Variants in KCNQ1OT1 observed in about 807,000 individuals in gnomAD.
KCNQ1OT1 encodes the protein KCNQ1 opposite strand/antisense transcript 1, also known as KCNQ1 antisense RNA 2 (non-protein coding).
In KCNQ1OT1 at chr11:2,694,902, C is replaced by G. The variant is rs115305496; in HGVS notation, n.5093G>C. 8.1e-3 allele frequency: 3,209 copies of G among 398,542 alleles called. 92 individuals carry two copies. The highest frequency in any genetic ancestry group is 0.06 in the African/African-American group (2,908 of 48,664). The allele number at this position is 398,542 out of a possible 1,614,324, so 24.7% of individuals were successfully genotyped here. A position where few individuals can be genotyped will look rare whatever the true frequency, so the allele number is the denominator to read the frequency against. ...GAAGGAATTGTCAAGGGAAGATCAC[C>G]AGAAAAGACAAGCCAGGCAGAGGTG... On this transcript the variant is annotated non_coding_transcript_exon_variant, in exon 1 of 1. Coordinates refer to ENST00000597346, the Ensembl canonical transcript of KCNQ1OT1.
At position 2,657,130 on chromosome 11, in the gene KCNQ1OT1, G is replaced by A. The variant is rs1319403004; in HGVS notation, n.42865C>T. ...CATTGCCCTAATGACCACTGCCTTG[G>A]AAGAAGTACTGATGTTTGGTACAGC... On this transcript the variant is annotated non_coding_transcript_exon_variant, in exon 1 of 1. Coordinates refer to ENST00000597346, the Ensembl canonical transcript of KCNQ1OT1. This position sits in a 1 kb window ranked among gnomAD's most constrained non-coding sequence, Gnocchi z 4.8. 7 of 398,502 alleles carry A rather than the reference G, an allele frequency of 1.8e-5. No homozygotes were observed. Among genetic ancestry groups the A allele is most frequent in the Non-Finnish European group, 3.1e-5 (7 of 226,076 alleles). The allele number at this position is 398,502 out of a possible 1,614,324, so 24.7% of individuals were successfully genotyped here.
In KCNQ1OT1 at chr11:2,652,044, T is replaced by TGA; in HGVS notation, n.47949_47950dup. On this transcript the variant is annotated non_coding_transcript_exon_variant, in exon 1 of 1. Transcript: ENST00000597346. This position sits in a 1 kb window ranked among gnomAD's most constrained non-coding sequence, Gnocchi z 5.9. ...CCTCCCCCCAGTTCTGGGGTGGCTC[T>TGA]GACTGTGTCCAGGCTCCAATTTGAG... The TGA allele has an allele frequency of 5.0e-6, 2 of 398,672 alleles. No homozygotes were observed. The highest frequency in any genetic ancestry group is 8.8e-6 in the Non-Finnish European group (2 of 226,100). 24.7% of individuals were successfully genotyped at this position (398,672 alleles called of 1,614,324 possible).
exon 1 of KCNQ1OT1, chr11:2,692,338 T>C: frequency 2.5e-6 from 1 of 398,878 alleles, no homozygotes; most frequent in Non-Finnish European, 4.4e-6. Flanking sequence ...GGCCACCATT[T>C]CTCTGTACTG....
exon 1 of KCNQ1OT1, chr11:2,696,541 T>A: frequency 2.5e-6 from 1 of 398,672 alleles, no homozygotes; most frequent in Non-Finnish European, 4.4e-6. Context: ...AGTTGGCATT[T>A]ACAAATATTT....
rs545075013 is a variant in KCNQ1OT1 at position 2,620,389 on chromosome 11, T to C, written n.79606A>G. On this transcript the variant is annotated non_coding_transcript_exon_variant, in exon 1 of 1. Transcript: ENST00000597346. The surrounding 1 kb of genome is among the most constrained non-coding windows in gnomAD (Gnocchi z 4.5). ...GCGCCACCACGTCCAGCTAATTTTGTAGTTTTAGTAGAGACAGGGTTTTTC... is the reference window on the plus strand; with the variant it reads ...GCGCCACCACGTCCAGCTAATTTTGCAGTTTTAGTAGAGACAGGGTTTTTC... 2 of 211,156 alleles carry C rather than the reference T, an allele frequency of 9.5e-6. No homozygotes were observed. The highest frequency in any genetic ancestry group is 1.9e-4 in the South Asian group (1 of 5,342). 13.1% of individuals were successfully genotyped at this position (211,156 alleles called of 1,614,324 possible). A position where few individuals can be genotyped will look rare whatever the true frequency, so the allele number is the denominator to read the frequency against.
rs922861841 is a variant in KCNQ1OT1 at position 2,658,144 on chromosome 11, A to G, written n.41851T>C. On this transcript the variant is annotated non_coding_transcript_exon_variant, in exon 1 of 1. Transcript: ENST00000597346. This position sits in a 1 kb window ranked among gnomAD's most constrained non-coding sequence, Gnocchi z 4.9. ...TCTGCAAATATGTTAAAACTACCAC[A>G]GCAATTAAAATACATTTCAAGGAAG... The G allele has an allele frequency of 1.0e-5, 4 of 398,538 alleles. No individual in the cohort carries two copies. The highest frequency in any genetic ancestry group is 8.2e-5 in the African/African-American group (4 of 48,656). 24.7% of individuals were successfully genotyped at this position (398,538 alleles called of 1,614,324 possible).
At chr11:2,675,656 C>T (rs1033350082) in exon 1 of KCNQ1OT1, 1 of 398,564 alleles carries the variant, frequency 2.5e-6, no homozygotes, top group Admixed American at 4.4e-5. Flanking sequence ...TCTCTAGGAG[C>T]CCGCCCAGGG....
chr11:2,694,201 G>T, exon 1 of KCNQ1OT1: 1 of 398,670 alleles, frequency 2.5e-6, no homozygotes, highest in Non-Finnish European at 4.4e-6. Context: ...CTTTCTCACC[G>T]AGGTGGTGAG....
Position 2,620,657 on chromosome 11 carries a change from G to T in KCNQ1OT1, n.79338C>A. 2.5e-6 allele frequency: 1 copy of T among 398,436 alleles called. No individual in the cohort carries two copies. The highest frequency in any genetic ancestry group is 4.4e-6 in the Non-Finnish European group (1 of 226,028). The allele number at this position is 398,436 out of a possible 1,614,324, so 24.7% of individuals were successfully genotyped here. A position where few individuals can be genotyped will look rare whatever the true frequency, so the allele number is the denominator to read the frequency against. On this transcript the variant is annotated non_coding_transcript_exon_variant, in exon 1 of 1. Coordinates refer to ENST00000597346, the Ensembl canonical transcript of KCNQ1OT1. The surrounding 1 kb of genome is among the most constrained non-coding windows in gnomAD (Gnocchi z 4.5). ...ATAGTGCTGTGATGAACATACAAATGCATGTGTCTTTTTGATAGAACAATT... is the reference window on the plus strand; with the variant it reads ...ATAGTGCTGTGATGAACATACAAATTCATGTGTCTTTTTGATAGAACAATT...
At chr11:2,648,676 C>G (rs1188865552) in exon 1 of KCNQ1OT1, 1 of 398,252 alleles carries the variant, frequency 2.5e-6, no homozygotes, top group Admixed American at 4.4e-5. Context: ...TATTGAGACC[C>G]GTTTTGTGTC....
chr11:2,648,537 C>A, exon 1 of KCNQ1OT1: 1 of 398,388 alleles, frequency 2.5e-6, no homozygotes, highest in East Asian at 3.6e-5. Flanking sequence ...ACACAGTGGT[C>A]ATTCAGGAAC....
chr11:2,668,062 T>C lies in KCNQ1OT1; in HGVS notation n.31933A>G. The stretch of plus-strand genomic sequence containing the variant: ...TTGCCCACATTTGAACTTTATGCGG[T>C]GGGAATGATGCAACTCATACACCTT... On this transcript the variant is annotated non_coding_transcript_exon_variant, in exon 1 of 1. Transcript: ENST00000597346. The surrounding 1 kb of genome is among the most constrained non-coding windows in gnomAD (Gnocchi z 4.3). The C allele has an allele frequency of 2.5e-6, 1 of 398,602 alleles. No individual in the cohort carries two copies. The highest frequency in any genetic ancestry group is 3.6e-5 in the East Asian group (1 of 28,070). The allele number at this position is 398,602 out of a possible 1,614,324, so 24.7% of individuals were successfully genotyped here. A position where few individuals can be genotyped will look rare whatever the true frequency, so the allele number is the denominator to read the frequency against.
At position 2,665,000 on chromosome 11, in the gene KCNQ1OT1, C is replaced by A. The variant is rs1407261640; in HGVS notation, n.34995G>T. On this transcript the variant is annotated non_coding_transcript_exon_variant, in exon 1 of 1. Transcript: ENST00000597346. The surrounding 1 kb of genome is among the most constrained non-coding windows in gnomAD (Gnocchi z 5.1). ...TGGGGCTGGGCGAAGCTCCTCTTTC[C>A]GGGGCCTGTTAGCCAGAGGTGGGGT... The A allele has an allele frequency of 5.0e-6, 2 of 398,536 alleles. No individual in the cohort carries two copies. The highest frequency in any genetic ancestry group is 2.1e-5 in the African/African-American group (1 of 48,588). The allele number at this position is 398,536 out of a possible 1,614,324, so 24.7% of individuals were successfully genotyped here. A position where few individuals can be genotyped will look rare whatever the true frequency, so the allele number is the denominator to read the frequency against.
At position 2,674,109 on chromosome 11, in the gene KCNQ1OT1, G is replaced by A. The variant is rs1850242499; in HGVS notation, n.25886C>T. On this transcript the variant is annotated non_coding_transcript_exon_variant, in exon 1 of 1. Transcript: ENST00000597346. This position sits in a 1 kb window ranked among gnomAD's most constrained non-coding sequence, Gnocchi z 5.9. Reference sequence around the variant, plus strand: ...TCTCCCTGCCGGTGGGGAGGGAGGTGTGGAAGCTGGTTTGCCGGGGCCACC... The same window carrying A: ...TCTCCCTGCCGGTGGGGAGGGAGGTATGGAAGCTGGTTTGCCGGGGCCACC... 1.0e-5 allele frequency: 4 copies of A among 398,692 alleles called. No homozygotes were observed. The highest frequency in any genetic ancestry group is 6.3e-4 in the Middle Eastern group (1 of 1,592). 24.7% of individuals were successfully genotyped at this position (398,692 alleles called of 1,614,324 possible).
chr11:2,621,198 G>C lies in KCNQ1OT1; in HGVS notation n.78797C>G. Reference sequence around the variant, plus strand: ...TCACCATGTTGGCCAGGATGGTCTCGAATACCTGACCCCAGATGATCCACG... The same window carrying C: ...TCACCATGTTGGCCAGGATGGTCTCCAATACCTGACCCCAGATGATCCACG... On this transcript the variant is annotated non_coding_transcript_exon_variant, in exon 1 of 1. Transcript: ENST00000597346. This position sits in a 1 kb window ranked among gnomAD's most constrained non-coding sequence, Gnocchi z 5.7. 1 of 397,402 alleles carries C rather than the reference G, an allele frequency of 2.5e-6. No individual in the cohort carries two copies. 24.6% of individuals were successfully genotyped at this position (397,402 alleles called of 1,614,324 possible).
rs1850340877 is a variant in KCNQ1OT1, at chr11:2,678,933, A to C, written n.21062T>G. The C allele has an allele frequency of 2.5e-6, 1 of 398,564 alleles. No homozygotes were observed. The highest frequency in any genetic ancestry group is 1.3e-4 in the South Asian group (1 of 7,844). 24.7% of individuals were successfully genotyped at this position (398,564 alleles called of 1,614,324 possible). ...CATACTTTCAGGGCATCTTGGAAAA[A>C]CTGAATTTGCTAACTCAATAGAGAA... On this transcript the variant is annotated non_coding_transcript_exon_variant, in exon 1 of 1. Transcript: ENST00000597346. This position sits in a 1 kb window ranked among gnomAD's most constrained non-coding sequence, Gnocchi z 4.9.
At position 2,676,071 on chromosome 11, in the gene KCNQ1OT1, A is replaced by T. The variant is rs985542959; in HGVS notation, n.23924T>A. The stretch of plus-strand genomic sequence containing the variant: ...GCATCTTTCCAGACGTATTTTATAT[A>T]AACAAATATACGTGTGTCTGTGTGT... On this transcript the variant is annotated non_coding_transcript_exon_variant, in exon 1 of 1. Transcript: ENST00000597346. This position sits in a 1 kb window ranked among gnomAD's most constrained non-coding sequence, Gnocchi z 4.2. 1.5e-5 allele frequency: 6 copies of T among 398,572 alleles called. No individual in the cohort carries two copies. Among genetic ancestry groups the T allele is most frequent in the African/African-American group, 1.2e-4 (6 of 48,646 alleles). The allele number at this position is 398,572 out of a possible 1,614,324, so 24.7% of individuals were successfully genotyped here. A position where few individuals can be genotyped will look rare whatever the true frequency, so the allele number is the denominator to read the frequency against.
chr11:2,648,628 TGAG>T (rs1849704106), exon 1 of KCNQ1OT1: 1 of 398,464 alleles, frequency 2.5e-6, no homozygotes, highest in South Asian at 1.3e-4. Context: ...CATTGTGGTC[TGAG>T]AAGATACTTG....
At position 2,613,929 on chromosome 11, in the gene KCNQ1OT1, G is replaced by T; in HGVS notation, n.86066C>A. On this transcript the variant is annotated non_coding_transcript_exon_variant, in exon 1 of 1. Coordinates refer to ENST00000597346, the Ensembl canonical transcript of KCNQ1OT1. The surrounding 1 kb of genome is among the most constrained non-coding windows in gnomAD (Gnocchi z 4.8). Reference sequence around the variant, plus strand: ...AGTACTATTCTGTATATGCCCTTTTGAACTTTGCTTTTCTCACCTAACAAC... The same window carrying T: ...AGTACTATTCTGTATATGCCCTTTTTAACTTTGCTTTTCTCACCTAACAAC... 2.5e-6 allele frequency: 1 copy of T among 398,444 alleles called. No individual in the cohort carries two copies. The highest frequency in any genetic ancestry group is 1.3e-4 in the South Asian group (1 of 7,832). The allele number at this position is 398,444 out of a possible 1,614,324, so 24.7% of individuals were successfully genotyped here. A position where few individuals can be genotyped will look rare whatever the true frequency, so the allele number is the denominator to read the frequency against.
Sources: gnomAD v4.1 joint callset for allele counts on GRCh38, gnomAD v4.1.1 for gene constraint, Gnocchi (gnomAD v3.1) non-coding constraint, MANE v1.5 for transcripts, NCBI Gene and HGNC (gene_info 2026-07-23, HGNC 2026-07-21) for gene names.